Variants in PLAAT1 observed in about 807,000 individuals in gnomAD.
PLAAT1 encodes the protein phospholipase A and acyltransferase 1.
PLAAT1 carries 13 observed loss-of-function variants against 16.4 expected under a neutral mutation model. The ratio of observed to expected loss-of-function variants is 0.79; its 90% CI spans 0.52 to 1.26. The LOEUF (loss-of-function observed/expected upper bound fraction) is 1.26, where lower values mean the gene tolerates loss of function less well. PLAAT1 is among the 50% of genes most tolerant of loss of function. The pLI, the probability that PLAAT1 is intolerant of heterozygous loss-of-function variation, is 0.00. For synonymous variants in PLAAT1, 73 were observed against 78.4 expected (o/e 0.93, Z 0.36); for missense variants, 218 against 207.8 (o/e 1.05, Z -0.30).
chr3:193,270,381 A>C (rs372358688), intron 3 of PLAAT1, among the ~76,000 whole-genome samples: 1 of 152,106 alleles, frequency 6.6e-6, no homozygotes, highest in African/African-American at 2.4e-5. Flanking sequence ...AATATGAGGA[A>C]TATATACCCA....
intron 1 of PLAAT1, among the ~76,000 whole-genome samples, chr3:193,251,303 A>T (rs1334459594): frequency 6.6e-6 from 1 of 152,198 alleles, no homozygotes; most frequent in South Asian, 2.1e-4. Context: ...CAAACTAAGG[A>T]AAGAAGGTGG....
chr3:193,266,859 T>C (rs987247920), intron 3 of PLAAT1, among the ~76,000 whole-genome samples: 1 of 152,132 alleles, frequency 6.6e-6, no homozygotes, highest in Non-Finnish European at 1.5e-5. Flanking sequence ...CTACTAATAA[T>C]AGCTAATATT....
At chr3:193,242,590 CG>C (rs1342848222) in intron 1 of PLAAT1, among the ~76,000 whole-genome samples, 4 of 151,990 alleles carry the variant, frequency 2.6e-5, no homozygotes, top group Admixed American at 6.5e-5. Flanking sequence ...GATTCTAGGG[CG>C]GGGGACCAAG....
intron 1 of PLAAT1, among the ~76,000 whole-genome samples, chr3:193,244,502 T>G (rs765470112): frequency 6.6e-6 from 1 of 152,090 alleles, no homozygotes; most frequent in Admixed American, 6.5e-5. Context: ...GATTTATATT[T>G]ATGGGGTACA....
chr3:193,249,561 G>C (rs1198724570), intron 1 of PLAAT1, among the ~76,000 whole-genome samples: 1 of 152,048 alleles, frequency 6.6e-6, no homozygotes, highest in Admixed American at 6.5e-5. Flanking sequence ...CATTAAATGA[G>C]GACTTGCTAT....
At chr3:193,258,913 GCA>G (rs1716483351) in intron 2 of PLAAT1, among the ~76,000 whole-genome samples, 1 of 152,044 alleles carries the variant, frequency 6.6e-6, no homozygotes, top group African/African-American at 2.4e-5. Flanking sequence ...TATGAAACTA[GCA>G]TCATCCTGAT....
downstream of PLAAT1, among the ~76,000 whole-genome samples, chr3:193,278,519 A>G (rs1009646283): frequency 6.6e-6 from 1 of 152,140 alleles, no homozygotes. Flanking sequence ...TGTCTCTGCC[A>G]CCGTACATTC....
chr3:193,262,975 A>G lies in PLAAT1; in HGVS notation c.145A>G (p.Ile49Val), dbSNP rs1368471124. ...ACCAGAATTCTACTTTATAGATGGCATTCCTGCGTCCTTTACAAGCGCCAA... is the reference window on the plus strand; with the variant it reads ...ACCAGAATTCTACTTTATAGATGGCGTTCCTGCGTCCTTTACAAGCGCCAA... Reference protein sequence around the residue: ...YVINIAPVDGIPASFTSAKSV... With the variant: ...YVINIAPVDGVPASFTSAKSV... Residue 49 changes from isoleucine (I) to valine (V), a missense_variant, in exon 3 of 4, where the codon ATT (isoleucine) becomes GTT (valine). Ile to Val is a conservative substitution (Grantham distance 29). Coordinates refer to ENST00000264735, the MANE Select transcript of PLAAT1 (RefSeq NM_020386.5). 1.2e-6 allele frequency: 2 copies of G among 1,614,142 alleles called. No homozygotes were observed. Among genetic ancestry groups the G allele is most frequent in the Admixed American group, 3.3e-5 (2 of 60,022 alleles).
At chr3:193,246,942 T>C (rs1716003516) in intron 1 of PLAAT1, among the ~76,000 whole-genome samples, 1 of 152,178 alleles carries the variant, frequency 6.6e-6, no homozygotes, top group African/African-American at 2.4e-5. Context: ...TTGGTATTTC[T>C]TCTTGAGCAC....
At chr3:193,252,885 A>T (rs1716242691) in intron 1 of PLAAT1, among the ~76,000 whole-genome samples, 1 of 152,072 alleles carries the variant, frequency 6.6e-6, no homozygotes, top group Non-Finnish European at 1.5e-5. Flanking sequence ...AGGAGATTGG[A>T]CTAGGACTAG....
At chr3:193,267,230 TTTACA>T (rs1443447490) in intron 3 of PLAAT1, among the ~76,000 whole-genome samples, 1 of 152,156 alleles carries the variant, frequency 6.6e-6, no homozygotes, top group Non-Finnish European at 1.5e-5. Context: ...AAGTCCATAG[TTTACA>T]TTAGGGTTCG....
chr3:193,241,546 G>C lies in PLAAT1; in HGVS notation c.-1+13G>C. On this transcript the variant is annotated intron_variant, in intron 1 of 3. Transcript: ENST00000264735. ...GCTTGAGAGTGAGGTGTGCTGGGCG[G>C]AGTGGGGGAGGACCTCGAGGCGCCC... 1.6e-6 allele frequency: 2 copies of C among 1,231,974 alleles called. No homozygotes were observed. Among genetic ancestry groups the C allele is most frequent in the Non-Finnish European group, 2.0e-6 (2 of 988,146 alleles). The allele number at this position is 1,231,974 out of a possible 1,614,324, so 76.3% of individuals were successfully genotyped here. A position where few individuals can be genotyped will look rare whatever the true frequency, so the allele number is the denominator to read the frequency against.
downstream of PLAAT1, among the ~76,000 whole-genome samples, chr3:193,275,543 G>A (rs1717155580): frequency 6.6e-6 from 1 of 152,152 alleles, no homozygotes; most frequent in Non-Finnish European, 1.5e-5. Flanking sequence ...TCCTGGTTAA[G>A]TCCTGGCTAG....
chr3:193,252,416 T>C (rs544917284), intron 1 of PLAAT1, among the ~76,000 whole-genome samples: 25 of 152,314 alleles, frequency 1.6e-4, no homozygotes, highest in Non-Finnish European at 2.6e-4. Flanking sequence ...TGCTTTTTTA[T>C]TGTTGAGTTT....
intron 1 of PLAAT1, among the ~76,000 whole-genome samples, chr3:193,244,608 A>G (rs900493598): frequency 3.3e-5 from 5 of 152,112 alleles, no homozygotes; most frequent in African/African-American, 1.2e-4. Flanking sequence ...GAATGCCAAA[A>G]ACTAAGTAAT....
chr3:193,280,035 C>T (rs1174971727), downstream of PLAAT1, among the ~76,000 whole-genome samples: 1 of 133,896 alleles, frequency 7.5e-6, no homozygotes, highest in Non-Finnish European at 1.6e-5. Context: ...AATAATCTTC[C>T]TGTCTTGGCA....
At chr3:193,241,903 CTCAT>C in intron 1 of PLAAT1, among the ~76,000 whole-genome samples, 1 of 152,280 alleles carries the variant, frequency 6.6e-6, no homozygotes, top group African/African-American at 2.4e-5. Context: ...GAAAAAGTCA[CTCAT>C]GTTTTCTCTG....
chr3:193,245,142 A>G (rs957485600), intron 1 of PLAAT1, among the ~76,000 whole-genome samples: 1 of 152,112 alleles, frequency 6.6e-6, no homozygotes, highest in Non-Finnish European at 1.5e-5. Context: ...ACTAAAACCT[A>G]CTTCTTCAGT....
chr3:193,244,865 C>T (rs751428740), intron 1 of PLAAT1, among the ~76,000 whole-genome samples: 1 of 152,146 alleles, frequency 6.6e-6, no homozygotes, highest in African/African-American at 2.4e-5. Context: ...ATCCAGTAAT[C>T]CATGAATAGA....
Sources: allele counts gnomAD v4.1 joint callset (sites outside exome capture counted in the v4.1 genomes callset), GRCh38; gene constraint gnomAD v4.1.1; transcripts MANE v1.5; gene names NCBI Gene and HGNC (gene_info 2026-07-23, HGNC 2026-07-21).